Variants in TJP1 observed in about 807,000 individuals in gnomAD.
The protein encoded by TJP1 is tight junction protein 1.
TJP1 carries 43 observed loss-of-function variants against 194.2 expected under a neutral mutation model. The observed-to-expected ratio is 0.22, with a 90% CI of 0.17 to 0.29. The LOEUF is 0.29. Among genes scored for constraint, TJP1 ranks in the 10% least tolerant of loss-of-function variants. The pLI, the probability that TJP1 is intolerant of heterozygous loss-of-function variation, is 1.00. For synonymous variants in TJP1, 801 were observed against 779.0 expected (o/e 1.03, Z -0.47); for missense variants, 1,971 against 2,185.7 (o/e 0.90, Z 1.96).
intron 10 of TJP1, among the ~76,000 whole-genome samples, chr15:29,739,811 C>T (rs925522898): frequency 1.6e-4 from 24 of 151,956 alleles, no homozygotes; most frequent in African/African-American, 4.8e-4. Flanking sequence ...TCAAGCAATT[C>T]CCAAGAAAGG....
intron 2 of TJP1, among the ~76,000 whole-genome samples, chr15:29,949,619 A>ACCT (rs2055530868): frequency 2.2e-5 from 2 of 91,096 alleles, no homozygotes; most frequent in African/African-American, 8.8e-5. Flanking sequence ...CTTCACCACC[A>ACCT]CCACCTCCAC....
intron 25 of TJP1, among the ~76,000 whole-genome samples, chr15:29,706,560 G>T (rs1310316730): frequency 1.3e-5 from 2 of 152,136 alleles, no homozygotes; most frequent in Non-Finnish European, 2.9e-5. Flanking sequence ...TTGGACAAGG[G>T]ATACTAAACA....
chr15:29,834,807 T>C (rs980802843), intron 2 of TJP1, among the ~76,000 whole-genome samples: 1 of 152,166 alleles, frequency 6.6e-6, no homozygotes, highest in African/African-American at 2.4e-5. Flanking sequence ...ATTCTGCGCT[T>C]TGGGGAGAAC....
chr15:29,730,937 C>T, intron 15 of TJP1: 4 of 1,211,564 alleles, frequency 3.3e-6, no homozygotes, highest in South Asian at 1.2e-5. Context: ...ATGGAGATGC[C>T]AAAACAGACC....
chr15:29,903,487 C>A (rs2053698869), intron 2 of TJP1, among the ~76,000 whole-genome samples: 1 of 152,076 alleles, frequency 6.6e-6, no homozygotes, highest in African/African-American at 2.4e-5. Flanking sequence ...CTCTGTCGCC[C>A]AGGCTGGAGT....
At position 29,708,605 on chromosome 15, in the gene TJP1, A is replaced by G; in HGVS notation, c.4804T>C (p.Tyr1602His). 1 of 1,613,998 alleles carries G rather than the reference A, an allele frequency of 6.2e-7. No homozygotes were observed. The highest frequency in any genetic ancestry group is 1.1e-5 in the South Asian group (1 of 91,080). ...TFSIHAEKPKYQINNISTVPK... is the reference protein window; with the variant it reads ...TFSIHAEKPKHQINNISTVPK... Reference sequence around the variant, plus strand: ...ACTGTGCTGATATTATTTATTTGATATTTAGGCTTCTCTGCATGGATAGAG... The same window carrying G: ...ACTGTGCTGATATTATTTATTTGATGTTTAGGCTTCTCTGCATGGATAGAG... Residue 1602 changes from tyrosine to histidine, a missense_variant, in exon 25 of 28, where the codon TAT (tyrosine) becomes CAT (histidine). By Grantham distance (83) the Tyr-to-His change is moderately conservative. Around this residue, in one of 5 missense-constraint regions of TJP1, gnomAD observed 1,108 missense variants for 1,128.5 expected, o/e 0.98. Transcript: ENST00000614355.
intron 2 of TJP1, among the ~76,000 whole-genome samples, chr15:29,949,998 C>G (rs1596313701): frequency 2.0e-5 from 1 of 50,624 alleles, no homozygotes; most frequent in Non-Finnish European, 3.4e-5. Flanking sequence ...TCCACCACCA[C>G]CACCTCCACA....
At chr15:29,949,554 CCACCACCTCCACTTCCACA>C (rs1384539048) in intron 2 of TJP1, among the ~76,000 whole-genome samples, 85 of 143,574 alleles carry the variant, frequency 5.9e-4, no homozygotes, top group Admixed American at 1.0e-3. Flanking sequence ...ACCTCCACAA[CCACCACCTCCACTTCCACA>C]ACCACCACCT....
Position 29,762,368 on chromosome 15 carries a change from A to T in TJP1, c.660T>A (p.Asp220Glu), listed in dbSNP as rs531625261. ...CAACATCACCTTCTTGAATATTGCC[A>T]TCTCTTGCTGCCAAACTATCTTGTG... ...EISQDSLAAR[D>E]GNIQEGDVVL... The change falls in exon 6 of 28, where the codon GAT becomes GAA. Residue 220 changes from aspartate (D) to glutamate (E), a missense_variant. By Grantham distance (45) the Asp-to-Glu change is conservative. Coordinates refer to ENST00000614355, the MANE Select transcript of TJP1 (RefSeq NM_001330239.4). The T allele has an allele frequency of 6.2e-7, 1 of 1,613,670 alleles. No individual in the cohort carries two copies. The highest frequency in any genetic ancestry group is 2.2e-5 in the East Asian group (1 of 44,828).
At position 29,822,026 on chromosome 15, in the gene TJP1, CATCTT is replaced by C; in HGVS notation, c.-3_2del. 1 of 1,354,092 alleles carries C rather than the reference CATCTT, an allele frequency of 7.4e-7. No individual in the cohort carries two copies. Among genetic ancestry groups the C allele is most frequent in the Non-Finnish European group, 9.5e-7 (1 of 1,049,898 alleles). The allele number at this position is 1,354,092 out of a possible 1,614,324, so 83.9% of individuals were successfully genotyped here. A position where few individuals can be genotyped will look rare whatever the true frequency, so the allele number is the denominator to read the frequency against. ...CCTTGGCGGCCGCAGCTCTGGCGGACATCTTGTCTCTCTCCAGCGCCGCGCGAGGC... is the reference window on the plus strand; with the variant it reads ...CCTTGGCGGCCGCAGCTCTGGCGGACGTCTCTCTCCAGCGCCGCGCGAGGC... On this transcript the variant is annotated start_lost and 5_prime_UTR_variant, in exon 1 of 28. Coordinates refer to ENST00000614355, the MANE Select transcript of TJP1 (RefSeq NM_001330239.4).
chr15:29,862,710 C>T (rs2052131954), intron 2 of TJP1, among the ~76,000 whole-genome samples: 2 of 144,410 alleles, frequency 1.4e-5, no homozygotes, highest in African/African-American at 2.6e-5. Context: ...TGCAGTGGTG[C>T]GATCTTGGCT....
intron 1 of TJP1, chr15:29,820,631 A>T: frequency 1.4e-6 from 1 of 714,130 alleles, no homozygotes; most frequent in South Asian, 1.5e-5. Context: ...ACACTTCAGG[A>T]ACAAAGTGAC....
At chr15:29,749,012 T>C (rs2151419858) in intron 8 of TJP1, among the ~76,000 whole-genome samples, 1 of 152,128 alleles carries the variant, frequency 6.6e-6, no homozygotes, top group East Asian at 1.9e-4. Flanking sequence ...AAAAATTATG[T>C]GTTCGGAGTC....
Position 29,737,454 on chromosome 15 carries a change from G to A in TJP1, c.1257-40C>T, listed in dbSNP as rs372252761. The A allele has an allele frequency of 4.3e-5, 69 of 1,609,386 alleles. No homozygotes were observed. In the African/African-American group the frequency reaches 7.6e-4, roughly 18 times the overall value. On this transcript the variant is annotated intron_variant, in intron 10 of 27. Transcript: ENST00000614355. ...ATTTCATTTGAAACAGTTAAGAAGA[G>A]CTTAAAACGTTATAGCAATCACTAC...
chr15:29,904,748 T>C (rs1436120048), intron 2 of TJP1, among the ~76,000 whole-genome samples: 1 of 152,124 alleles, frequency 6.6e-6, no homozygotes, highest in Non-Finnish European at 1.5e-5. Flanking sequence ...CCTCAGAATG[T>C]GAGAGTCTTT....
At chr15:29,949,207 C>A (rs1429807805) in intron 2 of TJP1, among the ~76,000 whole-genome samples, 31 of 118,506 alleles carry the variant, frequency 2.6e-4, no homozygotes, top group African/African-American at 8.1e-4. Flanking sequence ...GCACCTCCAC[C>A]ACCACCACCT....
At chr15:29,804,050 A>G (rs2048963624) in intron 1 of TJP1, among the ~76,000 whole-genome samples, 1 of 151,768 alleles carries the variant, frequency 6.6e-6, no homozygotes, top group Admixed American at 6.6e-5. Context: ...AACAAAAAAC[A>G]GAAAAATATA....
intron 2 of TJP1, among the ~76,000 whole-genome samples, chr15:29,908,048 C>CT (rs2053877398): frequency 5.1e-5 from 1 of 19,522 alleles, no homozygotes; most frequent in Non-Finnish European, 9.8e-5. Flanking sequence ...CCTTATAAAG[C>CT]AAAAAAAAAA....
At chr15:29,820,440 C>T in intron 1 of TJP1, 3 of 695,456 alleles carry the variant, frequency 4.3e-6, no homozygotes, top group South Asian at 3.1e-5. Flanking sequence ...GCAAAAAAGT[C>T]CCTACAACGT....
Sources: gnomAD v4.1 joint callset for allele counts (sites outside exome capture counted in the v4.1 genomes callset) on GRCh38, gnomAD v4.1.1 for gene constraint, gnomAD v4.1.1 regional missense constraint, MANE v1.5 for transcripts, NCBI Gene and HGNC (gene_info 2026-07-23, HGNC 2026-07-21) for gene names.